CEP350: variants seen among roughly 807,000 people sequenced by gnomAD.
CEP350 encodes centrosomal protein 350, also known as centrosome-associated protein 350.
CEP350 carries 126 observed loss-of-function variants against 331.8 expected under a neutral mutation model. The observed-to-expected ratio is 0.38, with a 90% CI of 0.33 to 0.44. The LOEUF is 0.44. CEP350 is among the 20% of genes least tolerant of loss of function. CEP350 has a pLI of 1.00. For synonymous variants in CEP350, 1,200 were observed against 1,259.5 expected (o/e 0.95, Z 1.00); for missense variants, 3,406 against 3,634.6 (o/e 0.94, Z 1.62).
Position 180,096,188 on chromosome 1 carries a change from A to C in CEP350, c.9066+4A>C. On this transcript the variant is annotated splice_donor_region_variant and intron_variant, in intron 36 of 37. Transcript: ENST00000367607. ...AAATAACCTTGATGAAATCAAGGTA[A>C]ACTGCAAACTATAAAGTGTCTTCTT... 1 of 1,553,376 alleles carries C rather than the reference A, an allele frequency of 6.4e-7. No individual in the cohort carries two copies. Among genetic ancestry groups the C allele is most frequent in the Non-Finnish European group, 8.7e-7 (1 of 1,148,738 alleles).
rs1656877812 is a variant in CEP350, at chr1:180,043,154, CTT to C, written c.4463_4464del (p.Phe1488CysfsTer9). ...YDHQRQHLPD[F>X]VKQLRTRTET... is the part of the protein sequence containing the mutation. Reference sequence around the variant, plus strand: ...ACCACCAACGGCAGCACCTTCCAGACTTTGTGAAACAGCTGAGGACCAGAACT... The same window carrying C: ...ACCACCAACGGCAGCACCTTCCAGACTGTGAAACAGCTGAGGACCAGAACT... On this transcript the variant is annotated frameshift_variant, in exon 20 of 38. Coordinates refer to ENST00000367607, the MANE Select transcript of CEP350 (RefSeq NM_014810.5). LOFTEE classifies it high-confidence loss of function. 6.2e-7 allele frequency: 1 copy of C among 1,613,572 alleles called. No individual in the cohort carries two copies. The highest frequency in any genetic ancestry group is 8.5e-7 in the Non-Finnish European group (1 of 1,179,696).
At chr1:179,968,256 G>A (rs770903385) in intron 1 of CEP350, among the ~76,000 whole-genome samples, 3 of 151,618 alleles carry the variant, frequency 2.0e-5, no homozygotes, top group Admixed American at 6.6e-5. Context: ...GCTTGATCCC[G>A]GGAGGTAGAG....
intron 22 of CEP350, among the ~76,000 whole-genome samples, chr1:180,049,894 T>G (rs1479515306): frequency 6.6e-6 from 1 of 152,184 alleles, no homozygotes; most frequent in Non-Finnish European, 1.5e-5. Flanking sequence ...AAATAACTAT[T>G]TTTAAGACAG....
At position 180,092,955 on chromosome 1, in the gene CEP350, T is replaced by C; in HGVS notation, c.6850T>C (p.Leu2284=). 2.5e-6 allele frequency: 4 copies of C among 1,596,060 alleles called. No individual in the cohort carries two copies. The highest frequency in any genetic ancestry group is 3.4e-6 in the Non-Finnish European group (4 of 1,169,736). Residue 2284 remains leucine, a synonymous_variant, in exon 34 of 38, where the codon TTA becomes CTA. Transcript: ENST00000367607. ...AFSKEGKSDV[L]LKLVLEQGDS... is the part of the protein sequence containing the mutation. ...TTCTAAAGAAGGTAAATCTGATGTC[T>C]TACTGAAATTAGTCCTAGAACAGGG...
intron 27 of CEP350, among the ~76,000 whole-genome samples, chr1:180,071,146 CAAAA>C (rs57487170): frequency 1.3e-4 from 8 of 63,238 alleles, no homozygotes; most frequent in African/African-American, 3.0e-4. Context: ...GACTCCATCT[CAAAA>C]AAAAAAAAAA....
chr1:180,030,807 G>T (rs984848735), intron 14 of CEP350, among the ~76,000 whole-genome samples: 7 of 151,972 alleles, frequency 4.6e-5, no homozygotes, highest in African/African-American at 1.7e-4. Context: ...TGAATAACAT[G>T]CATAATTTTT....
chr1:180,079,131 A>C (rs1456849791), intron 29 of CEP350, among the ~76,000 whole-genome samples: 5 of 152,066 alleles, frequency 3.3e-5, no homozygotes, highest in African/African-American at 1.2e-4. Context: ...GATGATGGCC[A>C]TTATTAAACT....
chr1:180,020,335 G>T lies in CEP350; in HGVS notation c.2561G>T (p.Gly854Val). Residue 854 changes from glycine (G) to valine (V), a missense_variant, in exon 12 of 38, where the codon GGG (glycine) becomes GTG (valine). By Grantham distance (109) the Gly-to-Val change is moderately radical. Around this residue, in one of 5 missense-constraint regions of CEP350, gnomAD observed 1,857 missense variants for 1,909.2 expected, o/e 0.97. Coordinates refer to ENST00000367607, the MANE Select transcript of CEP350 (RefSeq NM_014810.5). ...TTAGCTGGGGCCAGCATTAACTATG[G>T]GTCAGCATGGAACACTGAGTATGAT... is the stretch of plus-strand genomic sequence containing the variant. Reference protein sequence around the residue: ...KKLAGASINYGSAWNTEYDVQ... With the variant: ...KKLAGASINYVSAWNTEYDVQ... 6.2e-7 allele frequency: 1 copy of T among 1,613,858 alleles called. No homozygotes were observed. The highest frequency in any genetic ancestry group is 8.5e-7 in the Non-Finnish European group (1 of 1,179,900).
chr1:180,072,683 G>A (rs113175246), intron 27 of CEP350, among the ~76,000 whole-genome samples: 172 of 152,224 alleles, frequency 1.1e-3, no homozygotes, highest in African/African-American at 3.7e-3. Flanking sequence ...AAGGGGAAAT[G>A]AAATACTAAG....
chr1:180,061,169 C>G (rs1348629419), intron 25 of CEP350, among the ~76,000 whole-genome samples: 1 of 146,974 alleles, frequency 6.8e-6, no homozygotes, highest in African/African-American at 2.5e-5. Context: ...GTTTATTATG[C>G]TTTATTGATA....
At chr1:180,065,360 A>G (rs1558136828) in intron 27 of CEP350, 88 bp downstream of exon 27, 2 of 1,274,734 alleles carry the variant, frequency 1.6e-6, no homozygotes, top group East Asian at 2.7e-5. Context: ...ACTAGATTAG[A>G]TTGAGACAAA....
chr1:180,038,321 T>A (rs1656510014), intron 17 of CEP350, among the ~76,000 whole-genome samples: 1 of 152,230 alleles, frequency 6.6e-6, no homozygotes, highest in Non-Finnish European at 1.5e-5. Flanking sequence ...TATTTCCAGT[T>A]TTTAGCTATT....
At chr1:180,054,358 A>T (rs1445856851) in intron 24 of CEP350, 57 bp from the exon 25 acceptor site, 5 of 1,355,410 alleles carry the variant, frequency 3.7e-6, no homozygotes, top group Non-Finnish European at 3.1e-6. Context: ...TCTTGACATT[A>T]TTCAGGTAAG....
intron 8 of CEP350, among the ~76,000 whole-genome samples, chr1:180,010,986 T>C (rs1249831962): frequency 6.6e-6 from 1 of 151,330 alleles, no homozygotes; most frequent in African/African-American, 2.4e-5. Context: ...TTGTAAACAG[T>C]CTTTTTTTTT....
At chr1:180,099,472 A>G (rs529475315) in intron 37 of CEP350, among the ~76,000 whole-genome samples, 1 of 152,234 alleles carries the variant, frequency 6.6e-6, no homozygotes, top group Non-Finnish European at 1.5e-5. Context: ...TTACCTCATC[A>G]TCATCACTAT....
intron 30 of CEP350, among the ~76,000 whole-genome samples, chr1:180,082,415 T>C (rs1659628350): frequency 6.6e-6 from 1 of 152,098 alleles, no homozygotes; most frequent in Non-Finnish European, 1.5e-5. Flanking sequence ...TGTCAAATAA[T>C]CAGAAACTCC....
At chr1:179,971,350 G>T (rs552896227) in intron 1 of CEP350, among the ~76,000 whole-genome samples, 7 of 152,066 alleles carry the variant, frequency 4.6e-5, no homozygotes, top group Non-Finnish European at 7.4e-5. Flanking sequence ...TTAAGACAGG[G>T]TCTCACCCCA....
chr1:180,054,061 C>T (rs1011387376), intron 24 of CEP350, 127 bp downstream of exon 24: 15 of 696,276 alleles, frequency 2.2e-5, no homozygotes, highest in Admixed American at 9.6e-5. Context: ...CTAGAAATAA[C>T]GGCAGTCATA....
At chr1:180,028,966 G>A (rs1000279348) in intron 14 of CEP350, among the ~76,000 whole-genome samples, 6 of 152,136 alleles carry the variant, frequency 3.9e-5, no homozygotes, top group African/African-American at 7.2e-5. Context: ...GAAAAACCCT[G>A]ATATATTTCA....
Sources: allele counts gnomAD v4.1 joint callset (sites outside exome capture counted in the v4.1 genomes callset), GRCh38; gene constraint gnomAD v4.1.1; regional missense constraint gnomAD v4.1.1; transcripts MANE v1.5; gene names NCBI Gene and HGNC (gene_info 2026-07-23, HGNC 2026-07-21).